The following UGP2 variants were observed in gnomAD, a reference collection of about 807,000 sequenced individuals.
UGP2 encodes UTP--glucose-1-phosphate uridylyltransferase.
In UGP2, 40 loss-of-function variants were observed where a neutral mutation model predicts 49.0. The ratio of observed to expected loss-of-function variants is 0.82; its 90% CI spans 0.63 to 1.06. UGP2 has a LOEUF of 1.06. Ranked by LOEUF, UGP2 falls within the 50% of genes least tolerant of loss-of-function variation. The pLI is 0.00. For missense variants in UGP2, 460 were observed against 603.5 expected, an observed-to-expected ratio of 0.76 and a Z score of 2.49; for synonymous variants, 225 against 213.0, an observed-to-expected ratio of 1.06 and a Z score of -0.49.
chr2:63,887,819 AT>A, intron 8 of UGP2, 175 bp downstream of exon 8: 1 of 868,896 alleles, frequency 1.2e-6, no homozygotes, highest in Non-Finnish European at 1.7e-6. Flanking sequence ...TTTACTTCAC[AT>A]TTGAAACATG....
chr2:63,868,014 A>T (rs1670292348), intron 3 of UGP2, among the ~76,000 whole-genome samples: 1 of 152,228 alleles, frequency 6.6e-6, no homozygotes. Flanking sequence ...TTATTGAAGG[A>T]TATCTAGATT....
chr2:63,871,363 G>A (rs1269009287), intron 3 of UGP2, among the ~76,000 whole-genome samples: 4 of 151,928 alleles, frequency 2.6e-5, no homozygotes, highest in South Asian at 2.1e-4. Flanking sequence ...TTGGCTCACC[G>A]TAACCTCTGC....
intron 3 of UGP2, among the ~76,000 whole-genome samples, chr2:63,871,349 A>G (rs543604970): frequency 6.6e-6 from 1 of 151,946 alleles, no homozygotes; most frequent in Non-Finnish European, 1.5e-5. Context: ...GCAGTGGTGC[A>G]ATCTTGGCTC....
rs771924933 is a variant in UGP2, at chr2:63,870,667, G to A, written c.256-11799G>A. On this transcript the variant is annotated intron_variant, in intron 3 of 9. Coordinates refer to ENST00000337130, the MANE Select transcript of UGP2 (RefSeq NM_006759.4). ...GAACAGATTTCATTAATTAATAGCC[G>A]TTTGTTTTATTCATTTATTCGCTTA... Among the ~76,000 whole-genome samples the A allele has an allele frequency of 5.9e-5, 9 of 152,280 alleles. No individual in the cohort carries two copies. In the South Asian group the frequency reaches 8.3e-4, roughly 14 times the overall value.
chr2:63,886,864 C>T (rs1329224747), intron 7 of UGP2, among the ~76,000 whole-genome samples: 1 of 152,104 alleles, frequency 6.6e-6, no homozygotes, highest in Non-Finnish European at 1.5e-5. Flanking sequence ...GTTTTCTGAA[C>T]CTATGGTTTA....
chr2:63,886,960 A>C (rs937361148), intron 7 of UGP2, among the ~76,000 whole-genome samples: 1 of 152,192 alleles, frequency 6.6e-6, no homozygotes, highest in Middle Eastern at 3.2e-3. Flanking sequence ...TAGGTGCTTG[A>C]TAAATGTCAG....
chr2:63,856,420 C>T lies in UGP2; in HGVS notation c.134C>T (p.Ser45Leu). 6.2e-7 allele frequency: 1 copy of T among 1,612,232 alleles called. No individual in the cohort carries two copies. The highest frequency in any genetic ancestry group is 2.2e-5 in the East Asian group (1 of 44,878). ...GAAAAAATACTCACCACAGCATCAT[C>T]ACATGAATTTGAGGTAAGGAGGTTT... Reference protein sequence around the residue: ...ELEKILTTASSHEFEHTKKDL... With the variant: ...ELEKILTTASLHEFEHTKKDL... The change falls in exon 2 of 10, where the codon TCA (serine) becomes TTA (leucine). Residue 45 changes from serine (S) to leucine (L), a missense_variant. By Grantham distance (145) the Ser-to-Leu change is moderately radical. This residue lies in a region of UGP2 where 143 missense variants were observed against 130.4 expected (regional missense o/e 1.10). Transcript: ENST00000337130.
chr2:63,864,322 C>A (rs533270130), intron 3 of UGP2, among the ~76,000 whole-genome samples: 1 of 151,946 alleles, frequency 6.6e-6, no homozygotes, highest in African/African-American at 2.4e-5. Context: ...GGCCCTAAGA[C>A]CTGGTTCTTT....
At chr2:63,886,134 A>G (rs985654231) in intron 6 of UGP2, among the ~76,000 whole-genome samples, 2 of 152,152 alleles carry the variant, frequency 1.3e-5, no homozygotes, top group African/African-American at 2.4e-5. Flanking sequence ...AATCTGAAAC[A>G]TGTGAAATCT....
At chr2:63,890,261 T>G (rs1024043262) in intron 9 of UGP2, 76 bp downstream of exon 9, 4 of 1,107,694 alleles carry the variant, frequency 3.6e-6, no homozygotes, top group Non-Finnish European at 5.2e-6. Flanking sequence ...AAATTTACAT[T>G]TACTTTAAGG....
chr2:63,865,992 A>T (rs528334162), intron 3 of UGP2, among the ~76,000 whole-genome samples: 1 of 152,340 alleles, frequency 6.6e-6, no homozygotes, highest in South Asian at 2.1e-4. Context: ...AAATGGGTTT[A>T]AAAAAGCTCT....
chr2:63,867,796 T>C (rs1670279020), intron 3 of UGP2, among the ~76,000 whole-genome samples: 1 of 152,244 alleles, frequency 6.6e-6, no homozygotes, highest in Non-Finnish European at 1.5e-5. Flanking sequence ...ATTTACATTC[T>C]TATAATTTTC....
At chr2:63,879,775 T>C (rs1671165285) in intron 3 of UGP2, among the ~76,000 whole-genome samples, 2 of 152,212 alleles carry the variant, frequency 1.3e-5, no homozygotes, top group African/African-American at 4.8e-5. Context: ...GTACCACAAT[T>C]AAAAATTTTA....
Position 63,856,443 on chromosome 2 carries a change from TTTC to T in UGP2, c.147+12_147+14del. ...ATCACATGAATTTGAGGTAAGGAGGTTTCTACAGTGTTCCACCCCCCCGCCCCT... is the reference window on the plus strand; with the variant it reads ...ATCACATGAATTTGAGGTAAGGAGGTTACAGTGTTCCACCCCCCCGCCCCT... On this transcript the variant is annotated intron_variant, in intron 2 of 9. Coordinates refer to ENST00000337130, the MANE Select transcript of UGP2 (RefSeq NM_006759.4). 6.2e-7 allele frequency: 1 copy of T among 1,607,898 alleles called. No homozygotes were observed. Among genetic ancestry groups the T allele is most frequent in the African/African-American group, 1.3e-5 (1 of 74,862 alleles).
intron 3 of UGP2, among the ~76,000 whole-genome samples, chr2:63,862,350 A>G (rs1396835207): frequency 6.6e-6 from 1 of 152,156 alleles, no homozygotes; most frequent in Non-Finnish European, 1.5e-5. Context: ...CTAAGCAGAC[A>G]TACTAATTTA....
intron 3 of UGP2, among the ~76,000 whole-genome samples, chr2:63,863,324 A>G (rs1272139367): frequency 2.6e-5 from 4 of 152,080 alleles, no homozygotes; most frequent in Non-Finnish European, 5.9e-5. Context: ...GCCATCTGTA[A>G]CCACAGTGTT....
At chr2:63,856,887 G>C in intron 2 of UGP2, 1 of 442,498 alleles carries the variant, frequency 2.3e-6, no homozygotes. Context: ...CAATAGGTTA[G>C]TATTTTCATT....
chr2:63,861,687 C>CAAAAA (rs34304544), intron 3 of UGP2, among the ~76,000 whole-genome samples: 2 of 91,582 alleles, frequency 2.2e-5, no homozygotes, highest in African/African-American at 8.7e-5. Flanking sequence ...GATCCTGTCT[C>CAAAAA]AAAAAAAAAA....
At chr2:63,844,036 A>AG (rs1671759991) in intron 1 of UGP2, among the ~76,000 whole-genome samples, 1 of 152,214 alleles carries the variant, frequency 6.6e-6, no homozygotes, top group South Asian at 2.1e-4. Flanking sequence ...GATGGGACTT[A>AG]GGCATATGCC....
Sources: gnomAD v4.1 joint callset for allele counts (sites outside exome capture counted in the v4.1 genomes callset) on GRCh38, gnomAD v4.1.1 for gene constraint, gnomAD v4.1.1 regional missense constraint, MANE v1.5 for transcripts, NCBI Gene and HGNC (gene_info 2026-07-23, HGNC 2026-07-21) for gene names.